Variants in DNAJC3 observed in about 807,000 individuals in gnomAD.
The protein encoded by DNAJC3 is DnaJ heat shock protein family (Hsp40) member C3, also known as dnaJ homolog subfamily C member 3.
Under a neutral mutation model 68.6 loss-of-function variants are expected in DNAJC3, and 38 were observed. The ratio of observed to expected loss-of-function variants is 0.55; its 90% CI spans 0.43 to 0.73. The LOEUF (loss-of-function observed/expected upper bound fraction) is 0.73. Ranked by LOEUF, DNAJC3 falls within the 30% of genes least tolerant of loss-of-function variation. DNAJC3 has a pLI of 0.00. For missense variants in DNAJC3, 526 were observed against 591.9 expected (o/e 0.89, Z 1.16); for synonymous variants, 203 against 204.0 (o/e 1.00, Z 0.04).
chr13:95,790,490 T>C (rs192955509), intron 11 of DNAJC3, among the ~76,000 whole-genome samples: 1 of 152,324 alleles, frequency 6.6e-6, no homozygotes, highest in Non-Finnish European at 1.5e-5. Context: ...AGACTTTATT[T>C]TGGGGATTAG....
At chr13:95,755,563 C>A (rs1039679830) in intron 4 of DNAJC3, among the ~76,000 whole-genome samples, 27 of 151,550 alleles carry the variant, frequency 1.8e-4, no homozygotes, top group Admixed American at 2.0e-4. Flanking sequence ...TCGAGACCAC[C>A]CTGGCCAATA....
At chr13:95,790,827 A>G (rs780230681) in intron 11 of DNAJC3, 46 bp from the exon 12 acceptor site, 9 of 1,591,634 alleles carry the variant, frequency 5.7e-6, no homozygotes, top group Non-Finnish European at 6.0e-6. Flanking sequence ...CCCTGCCCCT[A>G]TACCTTAGAT....
chr13:95,764,345 T>G, intron 9 of DNAJC3, among the ~76,000 whole-genome samples: 1 of 124,228 alleles, frequency 8.0e-6, no homozygotes, highest in South Asian at 2.9e-4. Flanking sequence ...CACATATACA[T>G]ATTCTCTCTC....
intron 7 of DNAJC3, 63 bp from the exon 8 acceptor site, chr13:95,763,580 G>A: frequency 1.3e-6 from 2 of 1,499,972 alleles, no homozygotes; most frequent in East Asian, 2.3e-5. Context: ...GAGGGGAGGA[G>A]CCTTTCTACA....
At chr13:95,715,750 ATGT>A (rs1383044617) in intron 2 of DNAJC3, among the ~76,000 whole-genome samples, 3 of 151,824 alleles carry the variant, frequency 2.0e-5, no homozygotes, top group Non-Finnish European at 4.4e-5. Context: ...GCCTCCAAAA[ATGT>A]TGGGATTACA....
At chr13:95,677,726 G>A (rs576115588) in intron 1 of DNAJC3, among the ~76,000 whole-genome samples, 6 of 152,362 alleles carry the variant, frequency 3.9e-5, no homozygotes, top group African/African-American at 1.2e-4. Flanking sequence ...GTGCTGGCTG[G>A]GAGGAGGCAC....
At chr13:95,750,159 G>T (rs1266516941) in intron 4 of DNAJC3, among the ~76,000 whole-genome samples, 1 of 151,118 alleles carries the variant, frequency 6.6e-6, no homozygotes, top group Non-Finnish European at 1.5e-5. Context: ...CAGGGACAAT[G>T]TGGAATTCCG....
chr13:95,750,805 C>G (rs1882450949), intron 4 of DNAJC3, among the ~76,000 whole-genome samples: 1 of 152,118 alleles, frequency 6.6e-6, no homozygotes, highest in Non-Finnish European at 1.5e-5. Context: ...GCCCCCACAC[C>G]TGGCCCAATT....
intron 1 of DNAJC3, among the ~76,000 whole-genome samples, chr13:95,689,649 T>C (rs1373594327): frequency 6.6e-6 from 1 of 152,036 alleles, no homozygotes; most frequent in Non-Finnish European, 1.5e-5. Flanking sequence ...TTTGGGTTTG[T>C]TTTATTCTTA....
intron 7 of DNAJC3, among the ~76,000 whole-genome samples, chr13:95,763,222 C>T (rs147196231): frequency 1.4e-4 from 21 of 152,174 alleles, no homozygotes; most frequent in East Asian, 9.6e-4. Context: ...TAAAATGGCA[C>T]GTAATGGGTT....
chr13:95,711,911 ATAT>A (rs772692691), intron 2 of DNAJC3, among the ~76,000 whole-genome samples: 5 of 152,224 alleles, frequency 3.3e-5, no homozygotes, highest in Admixed American at 1.3e-4. Context: ...TACAATAAAA[ATAT>A]TATAGGAAAG....
intron 9 of DNAJC3, among the ~76,000 whole-genome samples, chr13:95,770,864 A>T (rs1444136168): frequency 1.3e-5 from 2 of 152,218 alleles, no homozygotes; most frequent in Admixed American, 6.5e-5. Context: ...AAGGATGAAT[A>T]TGCATAAAAC....
intron 9 of DNAJC3, among the ~76,000 whole-genome samples, chr13:95,771,831 T>C (rs1027267642): frequency 1.4e-5 from 2 of 141,100 alleles, no homozygotes; most frequent in African/African-American, 5.1e-5. Context: ...ATTTTCTCCA[T>C]CATGGATTAG....
chr13:95,740,409 C>A (rs1468285813), intron 4 of DNAJC3, among the ~76,000 whole-genome samples: 1 of 151,812 alleles, frequency 6.6e-6, no homozygotes, highest in African/African-American at 2.4e-5. Context: ...CCTCCCCCAG[C>A]CTCGCTGCCG....
At chr13:95,779,925 A>T (rs2139692086) in intron 9 of DNAJC3, among the ~76,000 whole-genome samples, 1 of 151,368 alleles carries the variant, frequency 6.6e-6, no homozygotes, top group East Asian at 1.9e-4. Flanking sequence ...TGTGCCAGTT[A>T]AAAAAAAATT....
intron 4 of DNAJC3, among the ~76,000 whole-genome samples, chr13:95,751,090 CT>C (rs1459139573): frequency 1.3e-5 from 2 of 152,104 alleles, no homozygotes; most frequent in Non-Finnish European, 2.9e-5. Flanking sequence ...AAATAATTAA[CT>C]GGGTATGGTG....
chr13:95,788,395 G>C (rs1021449956), intron 11 of DNAJC3, among the ~76,000 whole-genome samples: 1 of 152,214 alleles, frequency 6.6e-6, no homozygotes, highest in African/African-American at 2.4e-5. Flanking sequence ...AAGGGGATGG[G>C]TGTCCCTGCA....
chr13:95,714,100 A>G (rs1881060394), intron 2 of DNAJC3, among the ~76,000 whole-genome samples: 1 of 152,212 alleles, frequency 6.6e-6, no homozygotes, highest in African/African-American at 2.4e-5. Context: ...AAAGGGAAAC[A>G]TTTTAATCTT....
chr13:95,725,173 T>G lies in DNAJC3; in HGVS notation c.319-5T>G, dbSNP rs1298723266. The G allele has an allele frequency of 6.4e-7, 1 of 1,554,758 alleles. No homozygotes were observed. The highest frequency in any genetic ancestry group is 2.1e-5 in the Admixed American group (1 of 47,458). ...AAGATAATCCTCTGCCCCCTTTTTT[T>G]CTAGGCAAGATTACAGAGAGGTCAC... On this transcript the variant is annotated splice_region_variant and splice_polypyrimidine_tract_variant and intron_variant, in intron 3 of 11. Coordinates refer to ENST00000602402, the MANE Select transcript of DNAJC3 (RefSeq NM_006260.5).
Sources: gnomAD v4.1 joint callset for allele counts (sites outside exome capture counted in the v4.1 genomes callset) on GRCh38, gnomAD v4.1.1 for gene constraint, MANE v1.5 for transcripts, NCBI Gene and HGNC (gene_info 2026-07-23, HGNC 2026-07-21) for gene names.